The following KHDRBS2 variants were observed in gnomAD, a reference collection of about 807,000 sequenced individuals.
KHDRBS2 encodes the protein KH domain-containing, RNA-binding, signal transduction-associated protein 2.
KHDRBS2 carries 26 observed loss-of-function variants against 44.3 expected under a neutral mutation model. The observed-to-expected ratio is 0.59, with a 90% confidence interval of 0.43 to 0.81. The LOEUF is 0.81. Ranked by LOEUF, KHDRBS2 falls within the 40% of genes least tolerant of loss-of-function variation. KHDRBS2 has a pLI of 0.00. For synonymous variants in KHDRBS2, 194 were observed against 151.1 expected, an observed-to-expected ratio of 1.28 and a Z score of -2.08; for missense variants, 476 against 433.1, an observed-to-expected ratio of 1.10 and a Z score of -0.88.
the KHDRBS2 span, among the ~76,000 whole-genome samples, chr6:61,598,937 G>A: frequency 7.4e-6 from 1 of 135,332 alleles, no homozygotes; most frequent in Admixed American, 8.1e-5. Flanking sequence ...TTTTCTGCTT[G>A]TTTTTGTTTC....
chr6:61,984,468 A>G (rs548297115), intron 3 of KHDRBS2, among the ~76,000 whole-genome samples: 46 of 152,034 alleles, frequency 3.0e-4, no homozygotes, highest in Non-Finnish European at 5.9e-4. Flanking sequence ...GAAGCAGAAA[A>G]AAAATACGTT....
intron 2 of KHDRBS2, among the ~76,000 whole-genome samples, chr6:62,054,769 C>A (rs560986964): frequency 1.3e-5 from 2 of 152,116 alleles, no homozygotes; most frequent in Middle Eastern, 3.4e-3. Context: ...CCTGCAGACA[C>A]CTGGATTTCA....
chr6:62,109,237 A>G (rs192371896), intron 2 of KHDRBS2, among the ~76,000 whole-genome samples: 93 of 152,226 alleles, frequency 6.1e-4, no homozygotes, highest in African/African-American at 2.2e-3. Context: ...GAGAAACCAT[A>G]TGAACATTCT....
intron 5 of KHDRBS2, among the ~76,000 whole-genome samples, chr6:61,901,022 C>T (rs1317499720): frequency 6.6e-6 from 1 of 152,092 alleles, no homozygotes; most frequent in Non-Finnish European, 1.5e-5. Context: ...ACTTCAATTT[C>T]TCACCTGCAG....
At chr6:61,860,338 A>G (rs562615141) in intron 6 of KHDRBS2, among the ~76,000 whole-genome samples, 3 of 151,962 alleles carry the variant, frequency 2.0e-5, no homozygotes, top group African/African-American at 7.2e-5. Context: ...CCTAGTATTC[A>G]TTAGTTATTT....
chr6:61,635,225 C>A, the KHDRBS2 span, among the ~76,000 whole-genome samples: 1 of 151,796 alleles, frequency 6.6e-6, no homozygotes, highest in Non-Finnish European at 1.5e-5. Flanking sequence ...GTATACCAGC[C>A]CATTGGTAAA....
the KHDRBS2 span, among the ~76,000 whole-genome samples, chr6:61,562,690 G>A: frequency 1.3e-5 from 2 of 152,192 alleles, no homozygotes; most frequent in East Asian, 3.9e-4. Flanking sequence ...TCCAATCACT[G>A]TGGGAGAGCA....
intron 8 of KHDRBS2, among the ~76,000 whole-genome samples, chr6:61,682,485 C>G (rs1766413126): frequency 6.6e-6 from 1 of 151,882 alleles, no homozygotes; most frequent in African/African-American, 2.4e-5. Context: ...TTGGCATACT[C>G]TGGCCTGTGA....
chr6:62,049,590 A>G (rs1457321902), intron 2 of KHDRBS2, among the ~76,000 whole-genome samples: 1 of 151,334 alleles, frequency 6.6e-6, no homozygotes, highest in Non-Finnish European at 1.5e-5. Flanking sequence ...GTCTGCTCAT[A>G]TACTTCACCC....
chr6:61,747,489 A>C (rs1432883888), intron 6 of KHDRBS2, among the ~76,000 whole-genome samples: 1 of 152,214 alleles, frequency 6.6e-6, no homozygotes, highest in East Asian at 1.9e-4. Context: ...TTTAAGAACC[A>C]ATCACTTACA....
At chr6:62,075,524 C>A (rs1796153854) in intron 2 of KHDRBS2, among the ~76,000 whole-genome samples, 2 of 151,902 alleles carry the variant, frequency 1.3e-5, no homozygotes, top group South Asian at 4.1e-4. Flanking sequence ...GTTTGAAAAA[C>A]CAAGTGGGAA....
rs149308414 is a variant in KHDRBS2 at position 61,771,567 on chromosome 6, C to A, written c.811-38803G>T. Among the ~76,000 whole-genome samples the A allele has an allele frequency of 6.8e-3, 1,041 of 152,070 alleles. 8 individuals are homozygous for A. The highest frequency in any genetic ancestry group is 9.8e-3 in the Non-Finnish European group (666 of 67,964). On this transcript the variant is annotated intron_variant, in intron 6 of 8. Coordinates refer to ENST00000281156, the MANE Select transcript of KHDRBS2 (RefSeq NM_152688.4). ...CTCTGATAAAACAGACTTTAAACCA[C>A]CAAAGATCAAAAGAGACAAAGAAGG...
intron 6 of KHDRBS2, among the ~76,000 whole-genome samples, chr6:61,829,755 G>A (rs6911259): frequency 0.048 from 7,269 of 152,082 alleles, 600 homozygotes; most frequent in African/African-American, 0.17. Flanking sequence ...ATGTAAAACC[G>A]GAGTCATACA....
chr6:62,073,530 C>CTTTTTTTTT (rs60124030), intron 2 of KHDRBS2, among the ~76,000 whole-genome samples: 56 of 124,360 alleles, frequency 4.5e-4, no homozygotes, highest in East Asian at 7.0e-4. Flanking sequence ...TTTCTTTTTT[C>CTTTTTTTTT]TTTTTTTTTT....
chr6:61,997,938 C>T (rs1182138555), intron 3 of KHDRBS2, among the ~76,000 whole-genome samples: 3 of 152,104 alleles, frequency 2.0e-5, no homozygotes, highest in African/African-American at 7.2e-5. Context: ...AAGAAAAATG[C>T]TTAGAACAAA....
chr6:61,579,670 T>C, the KHDRBS2 span, among the ~76,000 whole-genome samples: 1 of 152,100 alleles, frequency 6.6e-6, no homozygotes, highest in Non-Finnish European at 1.5e-5. Context: ...CATCCCTGAG[T>C]TATGAGAATT....
intron 1 of KHDRBS2, among the ~76,000 whole-genome samples, chr6:62,283,972 G>C (rs1173496040): frequency 6.6e-6 from 1 of 151,892 alleles, no homozygotes; most frequent in East Asian, 1.9e-4. Context: ...CTCTATTTAG[G>C]AGCTTTTCCT....
At chr6:62,207,916 C>T (rs1297483123) in intron 1 of KHDRBS2, among the ~76,000 whole-genome samples, 3 of 152,060 alleles carry the variant, frequency 2.0e-5, no homozygotes, top group Non-Finnish European at 4.4e-5. Context: ...ACAAGAGCAA[C>T]TAAAATCTTA....
chr6:62,072,465 T>A (rs1423444143), intron 2 of KHDRBS2, among the ~76,000 whole-genome samples: 4 of 152,172 alleles, frequency 2.6e-5, no homozygotes, highest in African/African-American at 9.7e-5. Context: ...CATTATGATA[T>A]TGGCTGTGGG....
Sources: allele counts gnomAD v4.1 joint callset (sites outside exome capture counted in the v4.1 genomes callset), GRCh38; gene constraint gnomAD v4.1.1; transcripts MANE v1.5; gene names NCBI Gene and HGNC (gene_info 2026-07-23, HGNC 2026-07-21).